The following ARID5B variants were observed in gnomAD, a reference collection of about 807,000 sequenced individuals.
ARID5B encodes AT-rich interaction domain 5B.
ARID5B carries 13 observed loss-of-function variants against 97.2 expected under a neutral mutation model. The observed-to-expected ratio is 0.13, with a 90% CI of 0.09 to 0.21. ARID5B has a LOEUF of 0.21. Ranked by LOEUF, ARID5B falls within the 10% of genes least tolerant of loss-of-function variation. The pLI is 1.00. For missense variants in ARID5B, 1,210 were observed against 1,465.3 expected (o/e 0.83, Z 2.84); for synonymous variants, 556 against 570.3 (o/e 0.97, Z 0.36).
At chr10:62,081,044 C>G (rs77848807) in intron 8 of ARID5B, among the ~76,000 whole-genome samples, 6,393 of 152,158 alleles carry the variant, frequency 0.042, 590 homozygotes, top group Admixed American at 0.21. Flanking sequence ...CCCAAGTGAT[C>G]CGACTGCCTC....
intron 2 of ARID5B, among the ~76,000 whole-genome samples, chr10:61,911,171 G>A (rs1395181282): frequency 1.3e-5 from 2 of 152,208 alleles, no homozygotes; most frequent in Non-Finnish European, 2.9e-5. Flanking sequence ...CCTCAAGCAT[G>A]TTGAGCTACT....
chr10:62,038,434 TCTTTC>T (rs929714737), intron 4 of ARID5B, among the ~76,000 whole-genome samples: 13 of 152,020 alleles, frequency 8.6e-5, no homozygotes, highest in African/African-American at 3.1e-4. Context: ...TATTCAGACT[TCTTTC>T]CTTGGTTCCT....
At chr10:62,069,628 C>A (rs1840036255) in intron 7 of ARID5B, 72 bp from the exon 8 acceptor site, 1 of 1,316,870 alleles carries the variant, frequency 7.6e-7, no homozygotes, top group South Asian at 1.2e-5. Flanking sequence ...CTGACTGTTG[C>A]ATATGTATTG....
chr10:61,907,245 A>C (rs1843723112), intron 2 of ARID5B, among the ~76,000 whole-genome samples: 1 of 151,844 alleles, frequency 6.6e-6, no homozygotes, highest in Admixed American at 6.6e-5. Flanking sequence ...TTTTTTTTTC[A>C]AAAGATTGCC....
rs199804975 is a variant in ARID5B, at chr10:61,902,434, C to T, written c.276+21C>T. ...GCGAGGTGGTAAACCTGTCTGTCCC[C>T]CTCTTCTTTCTTTATTATTTTTCCC... On this transcript the variant is annotated intron_variant, in intron 2 of 9. Transcript: ENST00000279873. The T allele has an allele frequency of 3.5e-4, 557 of 1,608,416 alleles. 8 individuals carry two copies. The highest frequency in any genetic ancestry group is 2.0e-4 in the Admixed American group (12 of 59,182).
chr10:62,012,445 G>C (rs990039307), intron 4 of ARID5B, among the ~76,000 whole-genome samples: 1 of 152,138 alleles, frequency 6.6e-6, no homozygotes, highest in African/African-American at 2.4e-5. Flanking sequence ...GATCATTTGA[G>C]CCTGGTATGC....
At chr10:61,987,316 C>T (rs554414198) in intron 3 of ARID5B, among the ~76,000 whole-genome samples, 1 of 152,260 alleles carries the variant, frequency 6.6e-6, no homozygotes, top group African/African-American at 2.4e-5. Flanking sequence ...GAAAAAGAAC[C>T]AACATTAATT....
chr10:61,906,813 G>A (rs1843716186), intron 2 of ARID5B, among the ~76,000 whole-genome samples: 1 of 152,200 alleles, frequency 6.6e-6, no homozygotes, highest in Admixed American at 6.5e-5. Flanking sequence ...CAGTCTAGCT[G>A]TGTTATCTTG....
intron 4 of ARID5B, among the ~76,000 whole-genome samples, chr10:62,024,209 C>T (rs540469143): frequency 7.2e-5 from 11 of 152,324 alleles, no homozygotes; most frequent in Admixed American, 5.9e-4. Flanking sequence ...ATCGACATGA[C>T]TCATCTGCCC....
At chr10:61,964,434 T>G (rs1838516105) in intron 3 of ARID5B, among the ~76,000 whole-genome samples, 1 of 152,216 alleles carries the variant, frequency 6.6e-6, no homozygotes, top group Non-Finnish European at 1.5e-5. Context: ...AGTTTCTGTT[T>G]GTAGCTTACT....
Position 62,090,418 on chromosome 10 carries a change from G to A in ARID5B, c.1399-444G>A, listed in dbSNP as rs369562261. The stretch of plus-strand genomic sequence containing the variant: ...GGGAGTTGCAATAGGTTTGTTGTTT[G>A]TCGTTAACATGGGGTTGGTTGGATT... On this transcript the variant is annotated intron_variant, in intron 9 of 9. Coordinates refer to ENST00000279873, the MANE Select transcript of ARID5B (RefSeq NM_032199.3). Among the ~76,000 whole-genome samples, 10 of 152,308 alleles carry A rather than the reference G, an allele frequency of 6.6e-5. 1 individual carries two copies. The East Asian group carries it at 1.3e-3, about 21-fold the overall frequency.
intron 3 of ARID5B, among the ~76,000 whole-genome samples, chr10:61,941,953 T>A (rs1844418325): frequency 6.6e-6 from 1 of 152,254 alleles, no homozygotes; most frequent in African/African-American, 2.4e-5. Flanking sequence ...ATGTATGATC[T>A]AAGTTGTATT....
intron 4 of ARID5B, among the ~76,000 whole-genome samples, chr10:62,005,448 T>C (rs1006027069): frequency 6.6e-6 from 1 of 152,222 alleles, no homozygotes; most frequent in African/African-American, 2.4e-5. Context: ...GCACAACTCA[T>C]ACTCATCCAA....
At chr10:61,902,454 T>A (rs777139012) in intron 2 of ARID5B, 41 bp downstream of exon 2, 1 of 1,605,160 alleles carries the variant, frequency 6.2e-7, no homozygotes, top group Non-Finnish European at 8.5e-7. Context: ...CTTTATTATT[T>A]TTCCCCCTAG....
intron 2 of ARID5B, among the ~76,000 whole-genome samples, chr10:61,914,889 G>A (rs1843873672): frequency 1.3e-5 from 2 of 152,224 alleles, no homozygotes; most frequent in South Asian, 2.1e-4. Flanking sequence ...AGACTCAAGA[G>A]TCGGGATTGA....
intron 2 of ARID5B, among the ~76,000 whole-genome samples, chr10:61,914,040 C>T (rs956964516): frequency 2.0e-5 from 3 of 152,190 alleles, no homozygotes; most frequent in Admixed American, 6.5e-5. Flanking sequence ...CGTGAGCTAC[C>T]GCGCCCAGCC....
intron 3 of ARID5B, among the ~76,000 whole-genome samples, chr10:61,985,770 G>A (rs986010432): frequency 2.6e-5 from 4 of 151,982 alleles, no homozygotes; most frequent in Admixed American, 6.6e-5. Context: ...TCTTTGTCCC[G>A]GGATCAAAAG....
intron 1 of ARID5B, 129 bp downstream of exon 1, chr10:61,901,859 C>T: frequency 2.7e-6 from 2 of 754,566 alleles, no homozygotes; most frequent in Non-Finnish European, 4.5e-6. Context: ...CCCTCTGCAT[C>T]CCCCAAAATC....
chr10:61,952,790 G>A (rs946422849), intron 3 of ARID5B, among the ~76,000 whole-genome samples: 7 of 152,088 alleles, frequency 4.6e-5, no homozygotes, highest in Non-Finnish European at 5.9e-5. Flanking sequence ...GAGAGATCAC[G>A]TGAACATGCT....
Sources: gnomAD v4.1 joint callset for allele counts (sites outside exome capture counted in the v4.1 genomes callset) on GRCh38, gnomAD v4.1.1 for gene constraint, MANE v1.5 for transcripts, NCBI Gene and HGNC (gene_info 2026-07-23, HGNC 2026-07-21) for gene names.